The following ST3GAL2 variants were observed in gnomAD, a reference collection of about 807,000 sequenced individuals.
ST3GAL2 encodes the protein CMP-N-acetylneuraminate-beta-galactosamide-alpha-2,3-sialyltransferase 2.
A neutral mutation model predicts 37.5 loss-of-function variants in ST3GAL2; 16 were observed. The ratio of observed to expected loss-of-function variants is 0.43; its 90% CI spans 0.29 to 0.65. ST3GAL2 has a LOEUF of 0.65. Ranked by LOEUF, ST3GAL2 falls within the 30% of genes least tolerant of loss-of-function variation. The pLI, the probability that ST3GAL2 is intolerant of heterozygous loss-of-function variation, is 0.17. For missense variants in ST3GAL2, 383 were observed against 487.8 expected (o/e 0.79, Z 2.02); for synonymous variants, 238 against 202.9 (o/e 1.17, Z -1.47).
intron 3 of ST3GAL2, among the ~76,000 whole-genome samples, chr16:70,392,699 C>G (rs1366455925): frequency 6.6e-6 from 1 of 152,216 alleles, no homozygotes; most frequent in African/African-American, 2.4e-5. Flanking sequence ...CGCTGTAACT[C>G]AGCTCAGCCC....
chr16:70,429,289 A>G (rs1346239475), intron 1 of ST3GAL2, among the ~76,000 whole-genome samples: 1 of 152,172 alleles, frequency 6.6e-6, no homozygotes, highest in Non-Finnish European at 1.5e-5. Context: ...GGTTGACCAG[A>G]TGGCTGAAGA....
chr16:70,434,942 T>C (rs2047815159), intron 1 of ST3GAL2, among the ~76,000 whole-genome samples: 1 of 152,174 alleles, frequency 6.6e-6, no homozygotes, highest in Admixed American at 6.5e-5. Flanking sequence ...ACAATGTAAG[T>C]GATGCCTCCT....
chr16:70,419,043 C>T (rs905608236), intron 1 of ST3GAL2, among the ~76,000 whole-genome samples: 6 of 152,296 alleles, frequency 3.9e-5, no homozygotes, highest in Middle Eastern at 3.4e-3. Context: ...CATTCCCTCC[C>T]CCTCTCCCAA....
intron 4 of ST3GAL2, among the ~76,000 whole-genome samples, chr16:70,385,242 G>A (rs1037868501): frequency 3.3e-5 from 5 of 152,132 alleles, no homozygotes; most frequent in South Asian, 2.1e-4. Context: ...GTTGCAGTGA[G>A]CCGAGAAGGC....
At chr16:70,399,686 A>C (rs1374105186) in intron 1 of ST3GAL2, 153 bp from the exon 2 acceptor site, 2 of 370,310 alleles carry the variant, frequency 5.4e-6, no homozygotes, top group Non-Finnish European at 9.6e-6. Flanking sequence ...CTCTAGCTGC[A>C]CAGATAGCAT....
At chr16:70,401,849 C>A (rs1597564426) in intron 1 of ST3GAL2, among the ~76,000 whole-genome samples, 1 of 151,506 alleles carries the variant, frequency 6.6e-6, no homozygotes, top group East Asian at 1.9e-4. Context: ...AAAAAATCAG[C>A]CAGGCGTTGT....
Position 70,398,548 on chromosome 16 carries a change from G to C in ST3GAL2, c.-18C>G, listed in dbSNP as rs1411711385. The C allele has an allele frequency of 5.1e-6, 8 of 1,566,518 alleles. No individual in the cohort carries two copies. Among genetic ancestry groups the C allele is most frequent in the Non-Finnish European group, 6.9e-6 (8 of 1,158,462 alleles). ...CACTTCATGGTGCCGGCAGGCGGGT[G>C]ACGGTCACCGTGGCCACTCTTTTCC... On this transcript the variant is annotated 5_prime_UTR_variant, in exon 2 of 7. Coordinates refer to ENST00000342907, the MANE Select transcript of ST3GAL2 (RefSeq NM_006927.4).
Position 70,386,346 on chromosome 16 carries a change from G to C in ST3GAL2, c.713+2021C>G, listed in dbSNP as rs548139610. 1.0e-3 allele frequency among the ~76,000 whole-genome samples: 152 copies of C among 152,000 alleles called. 1 individual carries two copies. Among genetic ancestry groups the C allele is most frequent in the African/African-American group, 2.9e-3 (120 of 41,468 alleles). On this transcript the variant is annotated intron_variant, in intron 4 of 6. Coordinates refer to ENST00000342907, the MANE Select transcript of ST3GAL2 (RefSeq NM_006927.4). ...GGGACTACAGGTGCCTGCCACCACGGCCGGCTAATTTTTTTTTATTATTTT... is the reference window on the plus strand; with the variant it reads ...GGGACTACAGGTGCCTGCCACCACGCCCGGCTAATTTTTTTTTATTATTTT...
At chr16:70,422,832 C>G (rs1345140181) in intron 1 of ST3GAL2, 1 of 152,264 alleles carries the variant, frequency 6.6e-6, no homozygotes, top group Non-Finnish European at 1.5e-5. Flanking sequence ...TAAGCTCTTA[C>G]TACAACACTC....
chr16:70,385,989 G>A (rs2047440327), intron 4 of ST3GAL2, among the ~76,000 whole-genome samples: 1 of 152,036 alleles, frequency 6.6e-6, no homozygotes, highest in Admixed American at 6.6e-5. Context: ...TTACAGGTGT[G>A]AGCCACTGCA....
chr16:70,433,752 T>C (rs1044788200), intron 1 of ST3GAL2, among the ~76,000 whole-genome samples: 2 of 152,244 alleles, frequency 1.3e-5, no homozygotes, highest in African/African-American at 4.8e-5. Flanking sequence ...TCTGATTTTA[T>C]AGTTCCCACA....
At chr16:70,406,864 G>A (rs962181904) in intron 1 of ST3GAL2, among the ~76,000 whole-genome samples, 2 of 152,082 alleles carry the variant, frequency 1.3e-5, no homozygotes, top group African/African-American at 4.8e-5. Context: ...TGTGTACACT[G>A]ATGGGAATGA....
chr16:70,393,640 C>A (rs2047496369), intron 3 of ST3GAL2: 1 of 152,236 alleles, frequency 6.6e-6, no homozygotes, highest in African/African-American at 2.4e-5. Flanking sequence ...GGAGAGGCCC[C>A]TCTAAGACCA....
intron 2 of ST3GAL2, among the ~76,000 whole-genome samples, chr16:70,397,679 C>G (rs1204917834): frequency 6.6e-6 from 1 of 152,128 alleles, no homozygotes; most frequent in East Asian, 1.9e-4. Flanking sequence ...TGAGCCATCA[C>G]TGTGCCACTG....
intron 4 of ST3GAL2, among the ~76,000 whole-genome samples, chr16:70,385,113 A>G (rs975483536): frequency 5.9e-5 from 9 of 151,776 alleles, no homozygotes; most frequent in South Asian, 2.1e-4. Context: ...AGACCATCCT[A>G]GCTAACACGG....
intron 1 of ST3GAL2, among the ~76,000 whole-genome samples, chr16:70,427,509 T>C (rs1567677710): frequency 1.3e-5 from 2 of 151,978 alleles, no homozygotes; most frequent in Non-Finnish European, 2.9e-5. Context: ...TGGCTAATTT[T>C]TGTATTTTTA....
At chr16:70,419,027 G>T (rs569423189) in intron 1 of ST3GAL2, among the ~76,000 whole-genome samples, 1 of 152,172 alleles carries the variant, frequency 6.6e-6, no homozygotes, top group African/African-American at 2.4e-5. Context: ...GGCAGGGAGG[G>T]CAGGGCATTC....
At position 70,410,240 on chromosome 16, in the gene ST3GAL2, CTTTTTTTTTT is replaced by C. The variant is rs751045679; in HGVS notation, c.-1003-10717_-1003-10708del. On this transcript the variant is annotated intron_variant, in intron 1 of 6. Transcript: ENST00000342907. ...GTTGACATATTATCTCCACCCTCAC[CTTTTTTTTTT>C]TTTTTTTTTTTTTTTTTTGAGACGG... Among the ~76,000 whole-genome samples, 156 of 62,650 alleles carry C rather than the reference CTTTTTTTTTT, an allele frequency of 2.5e-3. 2 individuals are homozygous for C. The highest frequency in any genetic ancestry group is 0.013 in the African/African-American group (151 of 11,926). 41.1% of individuals were successfully genotyped at this position (62,650 alleles called of 152,430 possible).
chr16:70,430,243 T>A (rs1434244609), intron 1 of ST3GAL2, among the ~76,000 whole-genome samples: 3 of 152,220 alleles, frequency 2.0e-5, no homozygotes. Context: ...ACTGGCAGCA[T>A]GGGTGGAAGA....
Sources: allele counts gnomAD v4.1 joint callset (sites outside exome capture counted in the v4.1 genomes callset), GRCh38; gene constraint gnomAD v4.1.1; transcripts MANE v1.5; gene names NCBI Gene and HGNC (gene_info 2026-07-23, HGNC 2026-07-21).